Variants in CDH18 observed in about 807,000 individuals in gnomAD.
CDH18 encodes the protein cadherin-18.
CDH18 carries 31 observed loss-of-function variants against 67.9 expected under a neutral mutation model. That is an observed-to-expected ratio of 0.46 (90% CI 0.34 to 0.62). The LOEUF (loss-of-function observed/expected upper bound fraction) is 0.62, where lower values mean the gene tolerates loss of function less well. Ranked by LOEUF, CDH18 falls within the 20% of genes least tolerant of loss-of-function variation. CDH18 has a pLI of 0.01. For synonymous variants in CDH18, 362 were observed against 347.2 expected (o/e 1.04, Z -0.48); for missense variants, 890 against 975.5 (o/e 0.91, Z 1.17).
intron 6 of CDH18, among the ~76,000 whole-genome samples, chr5:19,594,813 A>G (rs1359965425): frequency 6.6e-6 from 1 of 152,188 alleles, no homozygotes; most frequent in African/African-American, 2.4e-5. Context: ...TAGACATTTT[A>G]TGAGAGTGCA....
intron 3 of CDH18, among the ~76,000 whole-genome samples, chr5:19,776,224 G>T (rs551008854): frequency 1.3e-5 from 2 of 152,238 alleles, no homozygotes; most frequent in African/African-American, 4.8e-5. Flanking sequence ...AAACATTATG[G>T]TCATAATTGT....
chr5:19,939,767 C>T (rs1474591127), intron 2 of CDH18, among the ~76,000 whole-genome samples: 2 of 151,728 alleles, frequency 1.3e-5, no homozygotes, highest in East Asian at 1.9e-4. Context: ...GTGATCATTT[C>T]GATTTGTTAA....
chr5:19,548,844 G>A (rs927585818), intron 8 of CDH18, among the ~76,000 whole-genome samples: 3 of 150,162 alleles, frequency 2.0e-5, no homozygotes, highest in Admixed American at 1.3e-4. Flanking sequence ...TCTGCCTCCC[G>A]GGTTCAAACA....
intron 1 of CDH18, among the ~76,000 whole-genome samples, chr5:20,574,612 T>C (rs1006445647): frequency 6.6e-6 from 1 of 152,076 alleles, no homozygotes; most frequent in African/African-American, 2.4e-5. Flanking sequence ...CTAAGGTCAA[T>C]CAAATACATC....
rs549675439 is a variant in CDH18 at position 20,013,124 on chromosome 5, A to G, written c.-517-21110T>C. ...GGTTTCTTCACATCACTATTACAAC[A>G]GTTCAAACCATTCAACTCACTATGT... is the stretch of plus-strand genomic sequence containing the variant. On this transcript the variant is annotated intron_variant, in intron 2 of 14. Transcript: ENST00000507958. Among the ~76,000 whole-genome samples, 71 of 152,252 alleles carry G rather than the reference A, an allele frequency of 4.7e-4. 3 individuals carry two copies. In the South Asian group the frequency reaches 0.012, roughly 25 times the overall value.
At chr5:19,645,722 T>A (rs1204520207) in intron 5 of CDH18, among the ~76,000 whole-genome samples, 1 of 152,142 alleles carries the variant, frequency 6.6e-6, no homozygotes, top group Non-Finnish European at 1.5e-5. Flanking sequence ...GAAAGATGGA[T>A]AAAATTTGCT....
At chr5:19,689,906 T>A (rs534247752) in intron 5 of CDH18, among the ~76,000 whole-genome samples, 3 of 151,590 alleles carry the variant, frequency 2.0e-5, no homozygotes, top group East Asian at 1.9e-4. Flanking sequence ...AGACTGAAAG[T>A]AAAGGAATGG....
chr5:20,270,351 A>G (rs1286979498), intron 1 of CDH18, among the ~76,000 whole-genome samples: 1 of 152,182 alleles, frequency 6.6e-6, no homozygotes, highest in East Asian at 1.9e-4. Context: ...GTAAGATGTT[A>G]AGGAATGAAT....
intron 5 of CDH18, among the ~76,000 whole-genome samples, chr5:19,629,303 A>G (rs150699207): frequency 2.0e-5 from 3 of 152,256 alleles, no homozygotes; most frequent in African/African-American, 7.2e-5. Flanking sequence ...AATTTGGGAT[A>G]TTTTGACTTT....
intron 2 of CDH18, among the ~76,000 whole-genome samples, chr5:20,156,377 C>T (rs1751527774): frequency 6.6e-6 from 1 of 152,058 alleles, no homozygotes; most frequent in Non-Finnish European, 1.5e-5. Context: ...ATATATATCT[C>T]TACCATGGAA....
At chr5:19,506,394 A>T (rs1172833379) in intron 10 of CDH18, among the ~76,000 whole-genome samples, 2 of 152,194 alleles carry the variant, frequency 1.3e-5, no homozygotes, top group African/African-American at 4.8e-5. Context: ...TCTTCACAGA[A>T]TTGGAAAAAA....
At chr5:20,373,133 A>G (rs1035265191) in intron 1 of CDH18, among the ~76,000 whole-genome samples, 1 of 152,296 alleles carries the variant, frequency 6.6e-6, no homozygotes, top group Non-Finnish European at 1.5e-5. Context: ...TCAAAGTTAT[A>G]TTTTACAAAT....
At chr5:19,584,900 T>A (rs1431976225) in intron 7 of CDH18, among the ~76,000 whole-genome samples, 2 of 147,744 alleles carry the variant, frequency 1.4e-5, no homozygotes, top group Non-Finnish European at 3.0e-5. Context: ...GAGACTGAAG[T>A]GGAAAAATCA....
chr5:19,926,106 T>G (rs768418782), intron 2 of CDH18, among the ~76,000 whole-genome samples: 28 of 152,252 alleles, frequency 1.8e-4, no homozygotes, highest in Middle Eastern at 3.4e-3. Flanking sequence ...TTCAAATTGT[T>G]GCAAATCTCT....
rs1439521131 is a variant in CDH18 at position 20,199,906 on chromosome 5, G to A, written c.-518+55538C>T. Among the ~76,000 whole-genome samples, 14 of 152,102 alleles carry A rather than the reference G, an allele frequency of 9.2e-5. No individual in the cohort carries two copies. In the South Asian group the frequency reaches 1.9e-3, roughly 20 times the overall value. ...ATTCTCTCTCCTGCTACCTTGTGAT[G>A]AAGGTGACTTCCTCCCCTTTATCTT... On this transcript the variant is annotated intron_variant, in intron 2 of 14. Transcript: ENST00000507958.
chr5:20,271,559 C>T (rs554711591), intron 1 of CDH18, among the ~76,000 whole-genome samples: 30 of 151,978 alleles, frequency 2.0e-4, no homozygotes, highest in African/African-American at 6.5e-4. Context: ...ACAATGATTA[C>T]GTGTTAATTA....
At chr5:19,994,317 A>G (rs1800159488) in intron 2 of CDH18, among the ~76,000 whole-genome samples, 1 of 151,504 alleles carries the variant, frequency 6.6e-6, no homozygotes, top group African/African-American at 2.4e-5. Flanking sequence ...ATATATGTAT[A>G]CATATATACA....
intron 2 of CDH18, among the ~76,000 whole-genome samples, chr5:20,201,515 T>G (rs1462213752): frequency 1.3e-5 from 2 of 152,164 alleles, no homozygotes; most frequent in Admixed American, 6.6e-5. Context: ...GTTTTTGTTT[T>G]TGTTTTTTGT....
chr5:19,918,925 A>C (rs1792133430), intron 2 of CDH18, among the ~76,000 whole-genome samples: 1 of 152,144 alleles, frequency 6.6e-6, no homozygotes. Flanking sequence ...GTAAAAACCC[A>C]GAGATAGCTT....
Sources: gnomAD v4.1 joint callset for allele counts (sites outside exome capture counted in the v4.1 genomes callset) on GRCh38, gnomAD v4.1.1 for gene constraint, MANE v1.5 for transcripts, NCBI Gene and HGNC (gene_info 2026-07-23, HGNC 2026-07-21) for gene names.